The following ATRNL1 variants were observed in gnomAD, a reference collection of about 807,000 sequenced individuals.
The protein encoded by ATRNL1 is attractin like 1.
ATRNL1 carries 95 observed loss-of-function variants against 182.7 expected under a neutral mutation model. The observed-to-expected ratio is 0.52, with a 90% CI of 0.44 to 0.62. ATRNL1 has a LOEUF of 0.62. Among genes scored for constraint, ATRNL1 ranks in the 20% least tolerant of loss-of-function variants. ATRNL1 has a pLI of 0.00. For missense variants in ATRNL1, 1,471 were observed against 1,679.5 expected (o/e 0.88, Z 2.17); for synonymous variants, 576 against 568.3 (o/e 1.01, Z -0.19).
intron 28 of ATRNL1, among the ~76,000 whole-genome samples, chr10:115,936,235 C>A (rs938202652): frequency 6.6e-6 from 1 of 152,170 alleles, no homozygotes. Context: ...TGAAGACTGA[C>A]ATTTTTGAAC....
At chr10:115,332,579 AATT>A (rs1437459193) in intron 18 of ATRNL1, among the ~76,000 whole-genome samples, 22 of 152,228 alleles carry the variant, frequency 1.4e-4, no homozygotes, top group Non-Finnish European at 2.9e-4. Flanking sequence ...AAAACATTAT[AATT>A]ATTCTCAATT....
intron 5 of ATRNL1, among the ~76,000 whole-genome samples, chr10:115,141,755 G>C (rs1554878132): frequency 6.6e-6 from 1 of 152,016 alleles, no homozygotes; most frequent in East Asian, 1.9e-4. Context: ...TAACTTTGAG[G>C]AGGGAGAAGT....
chr10:115,287,002 A>C (rs77369575), intron 15 of ATRNL1, among the ~76,000 whole-genome samples: 1,754 of 152,044 alleles, frequency 0.012, 30 homozygotes, highest in African/African-American at 0.039. Context: ...CATAAGGGGT[A>C]TGATATTTAT....
chr10:115,735,776 C>T (rs1367569589), intron 27 of ATRNL1, among the ~76,000 whole-genome samples: 1 of 152,112 alleles, frequency 6.6e-6, no homozygotes, highest in Non-Finnish European at 1.5e-5. Context: ...CATCTTGTTC[C>T]AAGTCAGAAT....
At chr10:115,816,635 C>T (rs1555088653) in intron 27 of ATRNL1, among the ~76,000 whole-genome samples, 2 of 151,926 alleles carry the variant, frequency 1.3e-5, no homozygotes, top group Non-Finnish European at 2.9e-5. Flanking sequence ...CACACACACA[C>T]ACACGTGAAG....
chr10:115,626,106 T>A (rs1858079373), intron 26 of ATRNL1, among the ~76,000 whole-genome samples: 1 of 152,158 alleles, frequency 6.6e-6, no homozygotes, highest in Non-Finnish European at 1.5e-5. Context: ...TAAACCCTTC[T>A]CAGCTAGTTT....
At chr10:115,404,790 C>G (rs1554957799) in intron 20 of ATRNL1, among the ~76,000 whole-genome samples, 1 of 142,998 alleles carries the variant, frequency 7.0e-6, no homozygotes, top group Non-Finnish European at 1.5e-5. Context: ...CCATTCATCT[C>G]TTAAAACTTG....
chr10:115,692,659 A>G (rs1555048539), intron 26 of ATRNL1, among the ~76,000 whole-genome samples: 1 of 151,800 alleles, frequency 6.6e-6, no homozygotes, highest in East Asian at 1.9e-4. Flanking sequence ...TTGAAATAAA[A>G]TGAAATATAA....
intron 26 of ATRNL1, among the ~76,000 whole-genome samples, chr10:115,681,902 A>G (rs1442324560): frequency 3.9e-5 from 6 of 152,182 alleles, no homozygotes; most frequent in South Asian, 2.1e-4. Flanking sequence ...AAAGAAATAT[A>G]GGTAATTTTT....
chr10:115,467,153 T>C, intron 22 of ATRNL1, 21 bp from the exon 23 acceptor site: 1 of 1,553,720 alleles, frequency 6.4e-7, no homozygotes, highest in Non-Finnish European at 8.9e-7. Context: ...TTTTTAACCT[T>C]AATATTTTCT....
At chr10:115,694,871 C>A (rs1946503237) in intron 26 of ATRNL1, among the ~76,000 whole-genome samples, 1 of 139,050 alleles carries the variant, frequency 7.2e-6, no homozygotes, top group Admixed American at 7.3e-5. Flanking sequence ...TGAGTGCATT[C>A]TATTTTTCCT....
intron 27 of ATRNL1, among the ~76,000 whole-genome samples, chr10:115,764,491 C>A (rs1948808498): frequency 6.6e-6 from 1 of 152,130 alleles, no homozygotes; most frequent in Admixed American, 6.5e-5. Context: ...CTGCTCCCAC[C>A]AACCCCTGGC....
intron 26 of ATRNL1, among the ~76,000 whole-genome samples, chr10:115,657,249 CAT>C (rs1860386085): frequency 1.3e-5 from 2 of 152,138 alleles, no homozygotes; most frequent in Admixed American, 6.5e-5. Context: ...GTGCTACAAA[CAT>C]AACGATGTAG....
chr10:115,703,692 CAT>C (rs200784867), intron 26 of ATRNL1, among the ~76,000 whole-genome samples: 246 of 151,474 alleles, frequency 1.6e-3, no homozygotes, highest in African/African-American at 5.5e-3. Context: ...AATATATAAA[CAT>C]ATAATCTTTT....
chr10:115,272,749 T>A (rs1437752299), intron 13 of ATRNL1, among the ~76,000 whole-genome samples: 4 of 152,134 alleles, frequency 2.6e-5, no homozygotes, highest in Non-Finnish European at 5.9e-5. Flanking sequence ...TAGCTGGCAC[T>A]GTAACTGAAT....
At chr10:115,177,028 G>T (rs183389676) in intron 8 of ATRNL1, among the ~76,000 whole-genome samples, 19 of 151,890 alleles carry the variant, frequency 1.3e-4, no homozygotes, top group African/African-American at 4.1e-4. Flanking sequence ...GAGAATAAAA[G>T]GATTGAGCTA....
Position 115,334,434 on chromosome 10 carries a change from A to G in ATRNL1, c.3175+15A>G. On this transcript the variant is annotated intron_variant, in intron 19 of 28. Transcript: ENST00000355044. ...ACAGTGCACAGGTAAGTTTCTTTTAAGCAAATTTTGGTGTATTTTTACTAA... is the reference window on the plus strand; with the variant it reads ...ACAGTGCACAGGTAAGTTTCTTTTAGGCAAATTTTGGTGTATTTTTACTAA... The G allele has an allele frequency of 6.6e-7, 1 of 1,508,342 alleles. No individual in the cohort carries two copies. Among genetic ancestry groups the G allele is most frequent in the East Asian group, 2.3e-5 (1 of 43,454 alleles). The allele number at this position is 1,508,342 out of a possible 1,614,324, so 93.4% of individuals were successfully genotyped here.
chr10:115,335,307 T>C (rs1278402834), intron 19 of ATRNL1, among the ~76,000 whole-genome samples: 1 of 152,190 alleles, frequency 6.6e-6, no homozygotes, highest in African/African-American at 2.4e-5. Flanking sequence ...TTTTTGGCTG[T>C]GAAGATGTGA....
chr10:115,610,732 C>G (rs894399082), intron 26 of ATRNL1, among the ~76,000 whole-genome samples: 1 of 152,080 alleles, frequency 6.6e-6, no homozygotes, highest in African/African-American at 2.4e-5. Flanking sequence ...CTTACCTTGC[C>G]TAAGCACACG....
Sources: allele counts gnomAD v4.1 joint callset (sites outside exome capture counted in the v4.1 genomes callset), GRCh38; gene constraint gnomAD v4.1.1; transcripts MANE v1.5; gene names NCBI Gene and HGNC (gene_info 2026-07-23, HGNC 2026-07-21).